The following PCNX2 variants were observed in gnomAD, a reference collection of about 807,000 sequenced individuals.
PCNX2 encodes pecanex 2, also known as pecanex-like protein 2.
Under a neutral mutation model 223.8 loss-of-function variants are expected in PCNX2, and 168 were observed. The observed-to-expected ratio is 0.75, with a 90% CI of 0.66 to 0.85. The LOEUF is 0.85. Ranked by LOEUF, PCNX2 falls within the 40% of genes least tolerant of loss-of-function variation. The pLI is 0.00. For missense variants in PCNX2, 2,507 were observed against 2,675.5 expected (o/e 0.94, Z 1.39); for synonymous variants, 1,006 against 1,052.6 (o/e 0.96, Z 0.86).
At chr1:233,236,723 C>G in intron 9 of PCNX2, 122 bp downstream of exon 9, 1 of 1,408,240 alleles carries the variant, frequency 7.1e-7, no homozygotes, top group Non-Finnish European at 9.7e-7. Context: ...ATATCAACAA[C>G]CCGTGATGCA....
At chr1:233,290,829 CAGCCAT>C (rs1661717181) in intron 1 of PCNX2, 5 of 985,272 alleles carry the variant, frequency 5.1e-6, no homozygotes, top group Non-Finnish European at 6.0e-6. Flanking sequence ...CAGAAAGCTC[CAGCCAT>C]AGAACGAAAG....
At chr1:233,205,187 A>G (rs886916314) in intron 13 of PCNX2, among the ~76,000 whole-genome samples, 40 of 152,182 alleles carry the variant, frequency 2.6e-4, no homozygotes, top group Non-Finnish European at 1.5e-5. Flanking sequence ...TGAGGGAGAT[A>G]CCCATGTACA....
Position 233,095,752 on chromosome 1 carries a change from T to A in PCNX2, c.3946+3A>T, listed in dbSNP as rs1558225968. 1 of 1,590,436 alleles carries A rather than the reference T, an allele frequency of 6.3e-7. No individual in the cohort carries two copies. On this transcript the variant is annotated splice_donor_region_variant and intron_variant, in intron 22 of 33. Transcript: ENST00000258229. ...AGGGTGAAAATAGAAGCAGAAAGGA[T>A]ACGAGGAATGGCAAAGAGCTGAGCA...
At chr1:233,060,554 G>C (rs1472431778) in intron 23 of PCNX2, among the ~76,000 whole-genome samples, 2 of 152,204 alleles carry the variant, frequency 1.3e-5, no homozygotes, top group African/African-American at 4.8e-5. Context: ...GCCACACTGG[G>C]TAATTTGAGT....
intron 9 of PCNX2, among the ~76,000 whole-genome samples, chr1:233,232,095 AT>A (rs2102953745): frequency 6.6e-6 from 1 of 152,286 alleles, no homozygotes; most frequent in Admixed American, 6.5e-5. Flanking sequence ...GATAAAACAT[AT>A]TTTTTTAAAA....
At chr1:233,311,135 T>C in the PCNX2 span, among the ~76,000 whole-genome samples, 3 of 152,228 alleles carry the variant, frequency 2.0e-5, no homozygotes, top group African/African-American at 7.2e-5. Context: ...ATAAGCAAGA[T>C]AACATTTTTT....
In PCNX2 at chr1:233,289,436, C is replaced by T. The variant is rs868687612; in HGVS notation, c.153+5890G>A. On this transcript the variant is annotated intron_variant, in intron 1 of 33. Coordinates refer to ENST00000258229, the MANE Select transcript of PCNX2 (RefSeq NM_014801.4). ...CATTAGGCTTCACGATCTTGGCGCT[C>T]GTACTGAACATGGCCTTCTCCTGGG... 6.4e-6 allele frequency: 9 copies of T among 1,403,738 alleles called. No individual in the cohort carries two copies. The East Asian group carries it at 1.4e-4, about 21-fold the overall frequency. 87.0% of individuals were successfully genotyped at this position (1,403,738 alleles called of 1,614,324 possible). A position where few individuals can be genotyped will look rare whatever the true frequency, so the allele number is the denominator to read the frequency against.
At chr1:233,052,738 T>A (rs1172914861) in intron 25 of PCNX2, among the ~76,000 whole-genome samples, 1 of 152,182 alleles carries the variant, frequency 6.6e-6, no homozygotes, top group Admixed American at 6.5e-5. Context: ...CAGTGCTAAA[T>A]AAATGTCTCC....
In PCNX2 at chr1:233,116,740, C is replaced by A. The variant is rs116762460; in HGVS notation, c.3837+18273G>T. 9.4e-3 allele frequency among the ~76,000 whole-genome samples: 1,427 copies of A among 151,662 alleles called. 9 individuals are homozygous for A. The highest frequency in any genetic ancestry group is 0.014 in the Admixed American group (210 of 15,228). ...TGATAACAACATCCCACCTCAAGAGCCCCCCCAAAAAGAAGAGCAAAATAA... is the reference window on the plus strand; with the variant it reads ...TGATAACAACATCCCACCTCAAGAGACCCCCCAAAAAGAAGAGCAAAATAA... On this transcript the variant is annotated intron_variant, in intron 21 of 33. Coordinates refer to ENST00000258229, the MANE Select transcript of PCNX2 (RefSeq NM_014801.4).
At chr1:233,140,686 C>A (rs1315377290) in intron 19 of PCNX2, among the ~76,000 whole-genome samples, 2 of 152,222 alleles carry the variant, frequency 1.3e-5, no homozygotes, top group Non-Finnish European at 2.9e-5. Flanking sequence ...GGAGGAGCAG[C>A]TGGCGTGAGT....
intron 23 of PCNX2, 61 bp from the exon 24 acceptor site, chr1:233,057,351 GT>G: frequency 1.5e-6 from 2 of 1,350,652 alleles, no homozygotes; most frequent in Non-Finnish European, 2.1e-6. Context: ...AGAAGAGTTG[GT>G]TTATAGAACC....
chr1:233,115,470 C>T (rs532870770), intron 21 of PCNX2, among the ~76,000 whole-genome samples: 338 of 152,266 alleles, frequency 2.2e-3, no homozygotes, highest in Middle Eastern at 3.4e-3. Flanking sequence ...CAGCTAAAGG[C>T]TAAAGCAACG....
chr1:233,160,477 T>C, intron 18 of PCNX2, 44 bp from the exon 19 acceptor site: 1 of 1,582,124 alleles, frequency 6.3e-7, no homozygotes, highest in Non-Finnish European at 8.7e-7. Flanking sequence ...GCCTAGAGGA[T>C]GGGGAGAGGG....
At chr1:233,284,517 T>C (rs1283125503) in intron 1 of PCNX2, among the ~76,000 whole-genome samples, 2 of 152,116 alleles carry the variant, frequency 1.3e-5, no homozygotes, top group African/African-American at 4.8e-5. Flanking sequence ...CAAGATTCCA[T>C]CTCCCATCTT....
At chr1:233,213,530 A>G (rs1681939800) in intron 12 of PCNX2, among the ~76,000 whole-genome samples, 1 of 152,210 alleles carries the variant, frequency 6.6e-6, no homozygotes, top group African/African-American at 2.4e-5. Context: ...CCACTTTCCC[A>G]ATTTTTCTGT....
chr1:233,177,407 T>A (rs1263851170), intron 17 of PCNX2, among the ~76,000 whole-genome samples: 1 of 152,212 alleles, frequency 6.6e-6, no homozygotes, highest in Admixed American at 6.5e-5. Context: ...GGGACAAATA[T>A]AGAATGTGAG....
chr1:233,045,978 C>T (rs1474858678), intron 25 of PCNX2, among the ~76,000 whole-genome samples: 5 of 152,242 alleles, frequency 3.3e-5, no homozygotes, highest in Non-Finnish European at 1.5e-5. Flanking sequence ...TCCAACAAAT[C>T]CTTCTTCTAC....
intron 32 of PCNX2, among the ~76,000 whole-genome samples, 174 bp from the exon 33 acceptor site, chr1:232,986,714 G>A (rs933494836): frequency 2.0e-5 from 3 of 152,044 alleles, no homozygotes; most frequent in Non-Finnish European, 4.4e-5. Flanking sequence ...ACTCCCTCCC[G>A]CCAAGTCCAG....
chr1:233,195,468 A>G (rs1367200872), intron 15 of PCNX2, among the ~76,000 whole-genome samples: 2 of 152,224 alleles, frequency 1.3e-5, no homozygotes, highest in Non-Finnish European at 1.5e-5. Flanking sequence ...GCAATAAAGC[A>G]AGAAAAAGAA....
Sources: allele counts gnomAD v4.1 joint callset (sites outside exome capture counted in the v4.1 genomes callset), GRCh38; gene constraint gnomAD v4.1.1; transcripts MANE v1.5; gene names NCBI Gene and HGNC (gene_info 2026-07-23, HGNC 2026-07-21).